Variants in MITF observed in about 807,000 individuals in gnomAD.
MITF encodes melanocyte inducing transcription factor.
MITF carries 17 observed loss-of-function variants against 60.5 expected under a neutral mutation model. The ratio of observed to expected loss-of-function variants is 0.28; its 90% CI spans 0.19 to 0.42. The LOEUF (loss-of-function observed/expected upper bound fraction) is 0.42, where lower values mean the gene tolerates loss of function less well. Among genes scored for constraint, MITF ranks in the 10% least tolerant of loss-of-function variants. The pLI is 1.00. For synonymous variants in MITF, 260 were observed against 248.5 expected (o/e 1.05, Z -0.43); for missense variants, 622 against 683.5 (o/e 0.91, Z 1.00).
chr3:69,809,878 G>A (rs753014320), intron 1 of MITF, among the ~76,000 whole-genome samples: 4 of 152,076 alleles, frequency 2.6e-5, no homozygotes, highest in African/African-American at 4.8e-5. Flanking sequence ...AACAAGAAGC[G>A]GAGACTCTCT....
At chr3:69,828,801 G>A (rs1296102667) in intron 1 of MITF, among the ~76,000 whole-genome samples, 1 of 152,128 alleles carries the variant, frequency 6.6e-6, no homozygotes, top group East Asian at 1.9e-4. Context: ...TCTGACATGA[G>A]CATCATGAAC....
rs533045810 is a variant in MITF at position 69,908,783 on chromosome 3, A to C, written c.355-29039A>C. Among the ~76,000 whole-genome samples, 21 of 152,296 alleles carry C rather than the reference A, an allele frequency of 1.4e-4. No homozygotes were observed. The South Asian group carries it at 4.4e-3, about 32-fold the overall frequency. On this transcript the variant is annotated intron_variant, in intron 2 of 9. Transcript: ENST00000352241. Reference sequence around the variant, plus strand: ...TAGGATTTTTGTTCTTGTTAGAAGAAAGGAATAAGTGACAATCTGAGAATA... The same window carrying C: ...TAGGATTTTTGTTCTTGTTAGAAGACAGGAATAAGTGACAATCTGAGAATA...
intron 1 of MITF, among the ~76,000 whole-genome samples, chr3:69,774,908 C>A (rs545679224): frequency 1.3e-5 from 2 of 152,182 alleles, no homozygotes; most frequent in Non-Finnish European, 2.9e-5. Flanking sequence ...GAAGTTGACG[C>A]TGGAAACAGG....
chr3:69,744,169 G>A (rs536385911), intron 1 of MITF, among the ~76,000 whole-genome samples: 28 of 152,316 alleles, frequency 1.8e-4, no homozygotes, highest in Middle Eastern at 3.4e-3. Context: ...AGACTGTTGC[G>A]TCACACGCAT....
In MITF at chr3:69,798,165, G is replaced by T. The variant is rs148813781; in HGVS notation, c.104+58464G>T. Among the ~76,000 whole-genome samples the T allele has an allele frequency of 1.1e-3, 166 of 152,320 alleles. No homozygotes were observed. The Middle Eastern group carries it at 0.014, about 12-fold the overall frequency. ...GGGATAATGCTACCTACATCATGCA[G>T]TTGGGAGGATTAAAAGCCCAGTTGA... On this transcript the variant is annotated intron_variant, in intron 1 of 9. Transcript: ENST00000352241.
intron 5 of MITF, among the ~76,000 whole-genome samples, chr3:69,942,837 A>G (rs958085585): frequency 2.6e-5 from 4 of 152,060 alleles, no homozygotes; most frequent in African/African-American, 9.7e-5. Context: ...ACCCAAAGAC[A>G]TGGGTATATT....
At chr3:69,907,932 G>T (rs1249858904) in intron 2 of MITF, among the ~76,000 whole-genome samples, 1 of 152,022 alleles carries the variant, frequency 6.6e-6, no homozygotes, top group Non-Finnish European at 1.5e-5. Context: ...TGTTACAAAT[G>T]GTTTTTTGAA....
At chr3:69,801,560 C>T (rs931885917) in intron 1 of MITF, among the ~76,000 whole-genome samples, 1 of 152,096 alleles carries the variant, frequency 6.6e-6, no homozygotes, top group African/African-American at 2.4e-5. Flanking sequence ...TGAAGCATTG[C>T]TGCATATACC....
chr3:69,895,648 A>G (rs1258997098), intron 2 of MITF, among the ~76,000 whole-genome samples: 1 of 151,984 alleles, frequency 6.6e-6, no homozygotes, highest in Non-Finnish European at 1.5e-5. Flanking sequence ...GAAAACAAAT[A>G]AAGGCTATGG....
intron 2 of MITF, among the ~76,000 whole-genome samples, chr3:69,905,889 A>G (rs2065088294): frequency 6.6e-6 from 1 of 152,052 alleles, no homozygotes; most frequent in South Asian, 2.1e-4. Context: ...TGGATCTATC[A>G]TATGCTTTGC....
At chr3:69,868,807 G>C (rs1195207154) in intron 1 of MITF, among the ~76,000 whole-genome samples, 1 of 151,392 alleles carries the variant, frequency 6.6e-6, no homozygotes, top group Non-Finnish European at 1.5e-5. Context: ...GCTGAGAAAG[G>C]AGAATTGCTT....
At chr3:69,796,531 G>A (rs1406823402) in intron 1 of MITF, among the ~76,000 whole-genome samples, 5 of 94,144 alleles carry the variant, frequency 5.3e-5, no homozygotes, top group Admixed American at 1.4e-4. Flanking sequence ...ACGGAGTCTC[G>A]CTCTGTCGCC....
intron 1 of MITF, among the ~76,000 whole-genome samples, chr3:69,828,363 A>G (rs1382797868): frequency 1.3e-5 from 2 of 152,200 alleles, no homozygotes; most frequent in South Asian, 2.1e-4. Context: ...TTTTCATCTT[A>G]GAAGAGTAAT....
At chr3:69,845,163 AT>A (rs1377283393) in intron 1 of MITF, among the ~76,000 whole-genome samples, 1 of 152,030 alleles carries the variant, frequency 6.6e-6, no homozygotes, top group Non-Finnish European at 1.5e-5. Context: ...ATCCACTTAT[AT>A]TAATTTTCCA....
intron 1 of MITF, among the ~76,000 whole-genome samples, chr3:69,773,794 T>C (rs1247828802): frequency 6.6e-6 from 1 of 152,198 alleles, no homozygotes; most frequent in Non-Finnish European, 1.5e-5. Flanking sequence ...GCTTGAAGGC[T>C]AAATGGTAAG....
At chr3:69,879,487 A>C in intron 2 of MITF, 104 bp downstream of exon 2, 1 of 1,558,764 alleles carries the variant, frequency 6.4e-7, no homozygotes, top group Non-Finnish European at 8.7e-7. Flanking sequence ...CTGACCCTTC[A>C]GAATTATATT....
chr3:69,787,907 G>T (rs2062676415), intron 1 of MITF, among the ~76,000 whole-genome samples: 1 of 152,160 alleles, frequency 6.6e-6, no homozygotes, highest in African/African-American at 2.4e-5. Context: ...AGTGCTGACT[G>T]TGTGCTGGGT....
At chr3:69,879,745 C>A (rs1216689673) in intron 2 of MITF, among the ~76,000 whole-genome samples, 1 of 152,104 alleles carries the variant, frequency 6.6e-6, no homozygotes, top group African/African-American at 2.4e-5. Context: ...AAATACCTTC[C>A]ATAGCCACTC....
intron 5 of MITF, among the ~76,000 whole-genome samples, chr3:69,948,796 T>C (rs1645543528): frequency 6.6e-6 from 1 of 152,168 alleles, no homozygotes; most frequent in Non-Finnish European, 1.5e-5. Context: ...ACTGACTGGC[T>C]AGTTAGAGTA....
Sources: gnomAD v4.1 joint callset for allele counts (sites outside exome capture counted in the v4.1 genomes callset) on GRCh38, gnomAD v4.1.1 for gene constraint, MANE v1.5 for transcripts, NCBI Gene and HGNC (gene_info 2026-07-23, HGNC 2026-07-21) for gene names.